Variants in SYTL5 observed in about 807,000 individuals in gnomAD.
SYTL5 encodes the protein synaptotagmin-like protein 5.
In SYTL5, 34 loss-of-function variants were observed where a neutral mutation model predicts 55.9. That is an observed-to-expected ratio of 0.61 (90% confidence interval 0.46 to 0.81). The LOEUF (loss-of-function observed/expected upper bound fraction) is 0.81. SYTL5 is among the 30% of genes least tolerant of loss of function. The pLI, the probability that SYTL5 is intolerant of heterozygous loss-of-function variation, is 0.00. For synonymous variants in SYTL5, 221 were observed against 188.7 expected, an observed-to-expected ratio of 1.17 and a Z score of -1.40; for missense variants, 637 against 546.7, an observed-to-expected ratio of 1.17 and a Z score of -1.65.
intron 3 of SYTL5, among the ~76,000 whole-genome samples, chrX:38,061,218 A>G (rs961140458): frequency 2.4e-4 from 27 of 112,081 alleles, no homozygotes; most frequent in African/African-American, 8.7e-4. Flanking sequence ...ATGAGTATTT[A>G]ATTTGATATA....
chrX:38,077,632 G>A lies in SYTL5; in HGVS notation c.689+931G>A, dbSNP rs146164886. On this transcript the variant is annotated intron_variant, in intron 6 of 16. Transcript: ENST00000297875. ...TTTTGTCCCTATAACAGTCCTGCAT[G>A]CAAGCGTTACTTTATGTAAAACCAT... Among the ~76,000 whole-genome samples the A allele has an allele frequency of 5.4e-3, 595 of 109,881 alleles. 4 individuals are homozygous for A. Among genetic ancestry groups the A allele is most frequent in the African/African-American group, 0.019 (561 of 30,173 alleles).
At chrX:38,066,506 A>G (rs900233739) in intron 3 of SYTL5, among the ~76,000 whole-genome samples, 27 of 111,816 alleles carry the variant, frequency 2.4e-4, no homozygotes, top group African/African-American at 8.1e-4. Flanking sequence ...TACAGTGCAT[A>G]AAGTCTATGT....
chrX:37,909,720 G>C, the SYTL5 span, among the ~76,000 whole-genome samples: 1 of 109,330 alleles, frequency 9.1e-6, no homozygotes, highest in Non-Finnish European at 1.9e-5. Context: ...TGTTGCCCAG[G>C]CTGGAGTGCA....
the SYTL5 span, among the ~76,000 whole-genome samples, chrX:37,985,840 A>G: frequency 8.0e-5 from 9 of 111,998 alleles, no homozygotes; most frequent in Non-Finnish European, 1.7e-4. Flanking sequence ...GATTAGTGGA[A>G]TCAAATTGAG....
At chrX:38,047,492 TAGGCTGC>T (rs1319904922) in intron 2 of SYTL5, among the ~76,000 whole-genome samples, 4 of 112,849 alleles carry the variant, frequency 3.5e-5, no homozygotes, top group Non-Finnish European at 7.5e-5. Flanking sequence ...ACCAAGTCCC[TAGGCTGC>T]ACACAGCATG....
chrX:38,067,656 C>T (rs894335624), intron 3 of SYTL5, among the ~76,000 whole-genome samples: 2 of 111,476 alleles, frequency 1.8e-5, no homozygotes, highest in South Asian at 7.4e-4. Flanking sequence ...GGATATCTTT[C>T]AATAAAACTT....
At chrX:37,889,774 A>T in the SYTL5 span, among the ~76,000 whole-genome samples, 4 of 104,146 alleles carry the variant, frequency 3.8e-5, no homozygotes, top group African/African-American at 6.8e-5. Context: ...GAAAGAAAAT[A>T]AAAAAAAAAA....
the SYTL5 span, among the ~76,000 whole-genome samples, chrX:37,997,793 G>A: frequency 7.1e-5 from 8 of 112,634 alleles, no homozygotes; most frequent in South Asian, 2.2e-3. Flanking sequence ...AAAGCTGGGG[G>A]CTGGACTGCA....
chrX:38,002,359 A>G (rs6651813), upstream of SYTL5, among the ~76,000 whole-genome samples: 4,642 of 111,791 alleles, frequency 0.042, 247 homozygotes, highest in African/African-American at 0.14. Flanking sequence ...AGCATGATTT[A>G]TAATCCTTTG....
At chrX:38,045,598 G>A (rs1200561963) in intron 2 of SYTL5, among the ~76,000 whole-genome samples, 3 of 111,801 alleles carry the variant, frequency 2.7e-5, no homozygotes, top group African/African-American at 9.7e-5. Context: ...ACTTCACAAT[G>A]CCCTCTTTCC....
chrX:37,971,673 C>G, the SYTL5 span, among the ~76,000 whole-genome samples: 1 of 111,631 alleles, frequency 9.0e-6, no homozygotes, highest in Non-Finnish European at 1.9e-5. Context: ...AACCTTAGGA[C>G]TCTTTTTCCT....
At chrX:38,041,342 C>T (rs1448532356) in intron 2 of SYTL5, among the ~76,000 whole-genome samples, 1 of 112,058 alleles carries the variant, frequency 8.9e-6, no homozygotes, top group Non-Finnish European at 1.9e-5. Flanking sequence ...TTTGTTTTTC[C>T]AAATCTTATC....
chrX:38,089,798 G>A (rs1292518529), intron 7 of SYTL5, among the ~76,000 whole-genome samples: 3 of 112,019 alleles, frequency 2.7e-5, no homozygotes, highest in Non-Finnish European at 5.6e-5. Context: ...TCACCATCAT[G>A]AGAACAGCAC....
At chrX:38,072,278 G>A in intron 4 of SYTL5, 116 bp downstream of exon 4, 1 of 488,138 alleles carries the variant, frequency 2.0e-6, no homozygotes, top group Non-Finnish European at 3.4e-6. Flanking sequence ...ATCCCTTAGG[G>A]CATTTCACAA....
At chrX:37,939,662 T>A in the SYTL5 span, 1 of 112,621 alleles carries the variant, frequency 8.9e-6, no homozygotes, top group African/African-American at 3.2e-5. Flanking sequence ...AATGAAAATT[T>A]CCTACATCTG....
At chrX:38,097,654 C>A (rs1173367126) in intron 9 of SYTL5, among the ~76,000 whole-genome samples, 1 of 109,812 alleles carries the variant, frequency 9.1e-6, no homozygotes, top group Non-Finnish European at 1.9e-5. Flanking sequence ...GTAGACAATG[C>A]AAGCCCAATC....
At chrX:37,990,818 A>G in the SYTL5 span, 1 of 1,175,120 alleles carries the variant, frequency 8.5e-7, no homozygotes, top group Non-Finnish European at 1.1e-6. Flanking sequence ...AGAGCTGATG[A>G]GAGCCAAACC....
At chrX:37,983,578 A>G in the SYTL5 span, among the ~76,000 whole-genome samples, 2 of 112,081 alleles carry the variant, frequency 1.8e-5, no homozygotes, top group East Asian at 5.5e-4. Flanking sequence ...CACTTCCAGT[A>G]ATGGAGAGAA....
Position 38,096,193 on chromosome X carries a change from G to C in SYTL5, c.1021G>C (p.Val341Leu), listed in dbSNP as rs1295318196. ...ESFTEDSEDT[V>L]SIRSKSVPGA... is the part of the protein sequence containing the mutation. ...ATTTACAGAAGACTCAGAGGATACTGTAAGCATAAGAAGCAAGTCTGTCCC... is the reference window on the plus strand; with the variant it reads ...ATTTACAGAAGACTCAGAGGATACTCTAAGCATAAGAAGCAAGTCTGTCCC... The change falls in exon 9 of 17, where the codon GTA (valine) becomes CTA (leucine). Residue 341 changes from valine (V) to leucine (L), a missense_variant. Val to Leu is a conservative substitution (Grantham distance 32). Transcript: ENST00000297875. 1.7e-6 allele frequency: 2 copies of C among 1,195,840 alleles called. No individual in the cohort carries two copies. Among genetic ancestry groups the C allele is most frequent in the Non-Finnish European group, 2.3e-6 (2 of 883,425 alleles).
Sources: allele counts gnomAD v4.1 joint callset (sites outside exome capture counted in the v4.1 genomes callset), GRCh38; gene constraint gnomAD v4.1.1; transcripts MANE v1.5; gene names NCBI Gene and HGNC (gene_info 2026-07-23, HGNC 2026-07-21).